Variants in TAFA2 observed in about 807,000 individuals in gnomAD.
TAFA2 encodes TAFA chemokine like family member 2, also known as chemokine-like protein TAFA-2.
Under a neutral mutation model 18.8 loss-of-function variants are expected in TAFA2, and 7 were observed. That is an observed-to-expected ratio of 0.37 (90% CI 0.21 to 0.70). The LOEUF is 0.70. TAFA2 is among the 30% of genes least tolerant of loss of function. The pLI, the probability that TAFA2 is intolerant of heterozygous loss-of-function variation, is 0.53. For missense variants in TAFA2, 122 were observed against 158.1 expected (o/e 0.77, Z 1.23); for synonymous variants, 60 against 54.2 (o/e 1.11, Z -0.47).
intron 1 of TAFA2, among the ~76,000 whole-genome samples, chr12:61,962,188 A>G (rs919616849): frequency 1.3e-5 from 2 of 151,982 alleles, no homozygotes; most frequent in Admixed American, 6.6e-5. Context: ...TTATTCTCAT[A>G]TTTTAACCTA....
intron 1 of TAFA2, among the ~76,000 whole-genome samples, chr12:62,183,416 C>T (rs1278784686): frequency 6.6e-6 from 1 of 152,176 alleles, no homozygotes; most frequent in Admixed American, 6.6e-5. Flanking sequence ...CAGGGTCTTG[C>T]TCTGTCAGTC....
intron 1 of TAFA2, among the ~76,000 whole-genome samples, chr12:61,979,797 G>A (rs1879566185): frequency 6.6e-6 from 1 of 151,984 alleles, no homozygotes; most frequent in Admixed American, 6.6e-5. Context: ...CATCACTACA[G>A]TAAAGATGCC....
At chr12:61,864,940 A>G (rs1026191948) in intron 2 of TAFA2, among the ~76,000 whole-genome samples, 11 of 152,148 alleles carry the variant, frequency 7.2e-5, no homozygotes, top group African/African-American at 2.2e-4. Context: ...CTTACTAATT[A>G]ATTCACAATA....
chr12:62,099,191 C>T (rs1869078951), intron 1 of TAFA2, among the ~76,000 whole-genome samples: 1 of 151,786 alleles, frequency 6.6e-6, no homozygotes, highest in Non-Finnish European at 1.5e-5. Context: ...TCTGCCTAAT[C>T]AATAGTGTAA....
chr12:62,204,758 T>C (rs2062684819), intron 1 of TAFA2, among the ~76,000 whole-genome samples: 1 of 152,196 alleles, frequency 6.6e-6, no homozygotes, highest in Non-Finnish European at 1.5e-5. Flanking sequence ...ATTCTTTACA[T>C]TGGGTTAGAA....
intron 1 of TAFA2, among the ~76,000 whole-genome samples, chr12:62,019,644 G>A (rs1195065117): frequency 1.4e-5 from 2 of 145,872 alleles, no homozygotes; most frequent in African/African-American, 5.1e-5. Context: ...CACAGGAAGG[G>A]GAACATCACA....
At chr12:61,934,143 C>A (rs1328884350) in intron 1 of TAFA2, among the ~76,000 whole-genome samples, 2 of 152,134 alleles carry the variant, frequency 1.3e-5, no homozygotes, top group African/African-American at 4.8e-5. Flanking sequence ...ATATTTGAGA[C>A]CCAAGTAAAT....
In TAFA2 at chr12:61,796,229, G is replaced by GATC. The variant is rs1376684947; in HGVS notation, c.107-41208_107-41206dup. Among the ~76,000 whole-genome samples the GATC allele has an allele frequency of 5.4e-4, 82 of 152,196 alleles. 1 individual carries two copies. The highest frequency in any genetic ancestry group is 1.9e-3 in the African/African-American group (79 of 41,560). On this transcript the variant is annotated intron_variant, in intron 2 of 4. Coordinates refer to ENST00000416284, the MANE Select transcript of TAFA2 (RefSeq NM_178539.5). ...ATGATTGCTAGAGAGATGATAGATA[G>GATC]ATCTACATGCACATACACATTTTAA...
In TAFA2 at chr12:62,098,335, C is replaced by A. The variant is rs79108641; in HGVS notation, c.-2+92924G>T. Among the ~76,000 whole-genome samples, 660 of 152,166 alleles carry A rather than the reference C, an allele frequency of 4.3e-3. 3 individuals carry two copies. Among genetic ancestry groups the A allele is most frequent in the Non-Finnish European group, 7.5e-3 (511 of 67,994 alleles). On this transcript the variant is annotated intron_variant, in intron 1 of 4. Transcript: ENST00000416284. ...TCTCATCATCTCAACAGGCACATGA[C>A]CAAGGCTGGCCAATCAGAATCTTCC...
intron 1 of TAFA2, among the ~76,000 whole-genome samples, chr12:62,251,342 A>G (rs1041897747): frequency 4.6e-5 from 7 of 152,254 alleles, no homozygotes; most frequent in African/African-American, 1.4e-4. Context: ...TTGAAAAAGC[A>G]TAAGAAAGTG....
intron 2 of TAFA2, among the ~76,000 whole-genome samples, chr12:61,791,029 G>A (rs1304861219): frequency 1.3e-5 from 2 of 151,704 alleles, no homozygotes; most frequent in Admixed American, 6.6e-5. Flanking sequence ...CCAATGGAAC[G>A]GAAGAGCAAG....
intron 2 of TAFA2, among the ~76,000 whole-genome samples, chr12:61,853,818 G>A (rs144146096): frequency 2.5e-3 from 379 of 152,274 alleles, no homozygotes; most frequent in African/African-American, 8.8e-3. Context: ...AGACAGAGTA[G>A]AGGGTATGTA....
intron 1 of TAFA2, among the ~76,000 whole-genome samples, chr12:61,947,705 TG>T (rs1282306747): frequency 6.6e-6 from 1 of 152,132 alleles, no homozygotes; most frequent in Non-Finnish European, 1.5e-5. Flanking sequence ...CTCTGGCCCC[TG>T]AAAGTTAAGT....
chr12:61,849,660 G>C (rs150966620), intron 2 of TAFA2, among the ~76,000 whole-genome samples: 2 of 152,254 alleles, frequency 1.3e-5, no homozygotes, highest in Admixed American at 1.3e-4. Context: ...TATGAGAATT[G>C]TCAAACAGTA....
chr12:61,894,042 G>A (rs180874041), intron 1 of TAFA2, among the ~76,000 whole-genome samples: 157 of 151,870 alleles, frequency 1.0e-3, no homozygotes, highest in Middle Eastern at 0.01. Flanking sequence ...ATGTGGTTAT[G>A]CATCGATTTA....
At chr12:62,081,509 G>C (rs1027567801) in intron 1 of TAFA2, among the ~76,000 whole-genome samples, 1 of 149,638 alleles carries the variant, frequency 6.7e-6, no homozygotes, top group Admixed American at 6.7e-5. Flanking sequence ...TTTTGATATG[G>C]AGTCTCTCTC....
intron 1 of TAFA2, among the ~76,000 whole-genome samples, chr12:62,067,780 A>C (rs1169055109): frequency 6.6e-6 from 1 of 152,044 alleles, no homozygotes; most frequent in Non-Finnish European, 1.5e-5. Flanking sequence ...CTCTCCTTAC[A>C]ATATCAAAAT....
chr12:61,722,477 A>G (rs949067647), intron 4 of TAFA2, among the ~76,000 whole-genome samples: 5 of 152,190 alleles, frequency 3.3e-5, no homozygotes, highest in Admixed American at 3.3e-4. Flanking sequence ...GAAGTGGGTC[A>G]GTGTTATGAC....
At chr12:61,730,660 G>A (rs907170784) in intron 4 of TAFA2, among the ~76,000 whole-genome samples, 8 of 152,052 alleles carry the variant, frequency 5.3e-5, no homozygotes, top group African/African-American at 1.7e-4. Flanking sequence ...GGCTGCCTCT[G>A]CTGCTTCATA....
Sources: allele counts gnomAD v4.1 joint callset (sites outside exome capture counted in the v4.1 genomes callset), GRCh38; gene constraint gnomAD v4.1.1; transcripts MANE v1.5; gene names NCBI Gene and HGNC (gene_info 2026-07-23, HGNC 2026-07-21).